Variants in SULT2B1 observed in about 807,000 individuals in gnomAD.
SULT2B1 encodes sulfotransferase family 2B member 1.
A neutral mutation model predicts 33.2 loss-of-function variants in SULT2B1; 16 were observed. The observed-to-expected ratio is 0.48, with a 90% CI of 0.33 to 0.73. SULT2B1 has a LOEUF of 0.73. SULT2B1 is among the 30% of genes least tolerant of loss of function. The probability of loss-of-function intolerance (pLI) is 0.02; values close to 1 mark genes in which losing one functional copy is unlikely to be tolerated. For synonymous variants in SULT2B1, 186 were observed against 200.5 expected (o/e 0.93, Z 0.61); for missense variants, 500 against 506.0 (o/e 0.99, Z 0.11).
intron 1 of SULT2B1, among the ~76,000 whole-genome samples, chr19:48,571,351 C>T (rs1203106416): frequency 2.0e-5 from 3 of 151,674 alleles, no homozygotes; most frequent in African/African-American, 4.8e-5. Flanking sequence ...CGCCCACCAC[C>T]GTGCCCAGCT....
At chr19:48,596,707 T>C (rs1366018948) in intron 5 of SULT2B1, 32 bp from the exon 6 acceptor site, 1 of 1,559,298 alleles carries the variant, frequency 6.4e-7, no homozygotes, top group Non-Finnish European at 8.6e-7. Flanking sequence ...CCGAGTGCCC[T>C]CCCTCCGCTG....
At chr19:48,566,382 G>A in intron 1 of SULT2B1, among the ~76,000 whole-genome samples, 1 of 151,926 alleles carries the variant, frequency 6.6e-6, no homozygotes, top group South Asian at 2.1e-4. Context: ...CCGCACCCAG[G>A]CTAAAGTGTG....
intron 1 of SULT2B1, among the ~76,000 whole-genome samples, chr19:48,565,817 C>T (rs1473674009): frequency 6.6e-6 from 1 of 152,014 alleles, no homozygotes; most frequent in Non-Finnish European, 1.5e-5. Flanking sequence ...AGTGGTACAA[C>T]CACAGTTCAC....
At chr19:48,578,854 C>T (rs938328638) in intron 2 of SULT2B1, among the ~76,000 whole-genome samples, 14 of 151,924 alleles carry the variant, frequency 9.2e-5, no homozygotes, top group East Asian at 5.8e-4. Flanking sequence ...CCAGCCTTGG[C>T]GATAGGGCAA....
At chr19:48,560,379 G>GA (rs1335944179) in intron 1 of SULT2B1, among the ~76,000 whole-genome samples, 1 of 151,926 alleles carries the variant, frequency 6.6e-6, no homozygotes, top group Non-Finnish European at 1.5e-5. Context: ...TTACAGATGG[G>GA]AAAACTGAGG....
At position 48,576,009 on chromosome 19, in the gene SULT2B1, A is replaced by G. The variant is rs749847968; in HGVS notation, c.140A>G (p.Glu47Gly). Reference protein sequence around the residue: ...VPFPVGLYSLESISLAENTQD... With the variant: ...VPFPVGLYSLGSISLAENTQD... ...TTCCCCGTCGGCCTGTACTCGCTCGAGAGCATCAGCTTGGCGGAGAACACC... is the reference window on the plus strand; with the variant it reads ...TTCCCCGTCGGCCTGTACTCGCTCGGGAGCATCAGCTTGGCGGAGAACACC... The change falls in exon 2 of 7, where the codon GAG (glutamate) becomes GGG (glycine). Residue 47 changes from glutamate (E) to glycine (G), a missense_variant. Coordinates refer to ENST00000201586, the MANE Select transcript of SULT2B1 (RefSeq NM_177973.2). 1 of 1,613,974 alleles carries G rather than the reference A, an allele frequency of 6.2e-7. No homozygotes were observed. Among genetic ancestry groups the G allele is most frequent in the Non-Finnish European group, 8.5e-7 (1 of 1,179,960 alleles).
chr19:48,571,299 C>T (rs547441899), intron 1 of SULT2B1, among the ~76,000 whole-genome samples: 8 of 151,006 alleles, frequency 5.3e-5, no homozygotes, highest in African/African-American at 4.9e-5. Context: ...CGGGTTCAAG[C>T]GATTCTCCTG....
chr19:48,566,102 G>A (rs55939133), intron 1 of SULT2B1, among the ~76,000 whole-genome samples: 19,911 of 151,962 alleles, frequency 0.13, 1,427 homozygotes, highest in African/African-American at 0.16. Flanking sequence ...AGTAGAGACG[G>A]GGTTTCACTC....
intron 1 of SULT2B1, among the ~76,000 whole-genome samples, chr19:48,557,060 G>C (rs1052978808): frequency 2.6e-5 from 4 of 151,902 alleles, no homozygotes; most frequent in African/African-American, 9.7e-5. Context: ...GACCAGACTG[G>C]ACAACACAGC....
chr19:48,591,566 T>A (rs772017423), intron 3 of SULT2B1, 43 bp from the exon 4 acceptor site: 1 of 1,583,772 alleles, frequency 6.3e-7, no homozygotes, highest in Admixed American at 1.7e-5. Flanking sequence ...GGGTCTTGCC[T>A]GTGTCTGACG....
intron 2 of SULT2B1, among the ~76,000 whole-genome samples, chr19:48,582,283 G>T (rs570995216): frequency 1.6e-4 from 24 of 152,126 alleles, no homozygotes; most frequent in East Asian, 1.2e-3. Context: ...TAAGTTTCTG[G>T]TTTTTTTAAA....
intron 1 of SULT2B1, among the ~76,000 whole-genome samples, chr19:48,568,895 G>A (rs1468524125): frequency 1.3e-5 from 2 of 151,614 alleles, no homozygotes; most frequent in Non-Finnish European, 2.9e-5. Flanking sequence ...TCACTTCTTT[G>A]CGCTCACTCT....
intron 2 of SULT2B1, among the ~76,000 whole-genome samples, chr19:48,578,177 C>T (rs1973439612): frequency 6.6e-6 from 1 of 151,912 alleles, no homozygotes; most frequent in Non-Finnish European, 1.5e-5. Context: ...CACACCACTG[C>T]ACTTCAGCCT....
rs1003650855 is a variant in SULT2B1, at chr19:48,557,795, T to C, written c.71+5472T>C. Among the ~76,000 whole-genome samples the C allele has an allele frequency of 2.0e-5, 3 of 151,844 alleles. No individual in the cohort carries two copies. The East Asian group carries it at 5.8e-4, about 29-fold the overall frequency. ...TCAGCCGGGCATGGTGGTGCATGCC[T>C]GTAATCCCAGCTACTCGGGAGGTTG... is the stretch of plus-strand genomic sequence containing the variant. On this transcript the variant is annotated intron_variant, in intron 1 of 6. Transcript: ENST00000201586.
Position 48,591,566 on chromosome 19 carries a change from T to C in SULT2B1, c.424-43T>C, listed in dbSNP as rs772017423. 1.5e-5 allele frequency: 24 copies of C among 1,583,772 alleles called. No homozygotes were observed. The South Asian group carries it at 2.7e-4, about 18-fold the overall frequency. ...AGGCCTCAGGGGCTGGGGTCTTGCC[T>C]GTGTCTGACGCCTTCTCCCCTCTCC... On this transcript the variant is annotated intron_variant, in intron 3 of 6. Coordinates refer to ENST00000201586, the MANE Select transcript of SULT2B1 (RefSeq NM_177973.2).
rs67551728 is a variant in SULT2B1 at position 48,587,890 on chromosome 19, C to CAA, written c.423+485_423+486dup. On this transcript the variant is annotated intron_variant, in intron 3 of 6. Transcript: ENST00000201586. The stretch of plus-strand genomic sequence containing the variant: ...CCTAGGCAACAGGGCAAGACTGTCT[C>CAA]AAAAAAAAAAAAAAAAAAAAAAAAA... Among the ~76,000 whole-genome samples the CAA allele has an allele frequency of 3.0e-4, 12 of 39,908 alleles. 1 individual carries two copies. Among genetic ancestry groups the CAA allele is most frequent in the Non-Finnish European group, 3.8e-4 (9 of 23,912 alleles). The allele number at this position is 39,908 out of a possible 152,430, so 26.2% of individuals were successfully genotyped here.
intron 1 of SULT2B1, among the ~76,000 whole-genome samples, chr19:48,573,547 C>T (rs900943526): frequency 3.3e-5 from 5 of 152,132 alleles, no homozygotes; most frequent in African/African-American, 9.6e-5. Context: ...CCTGGCTCTG[C>T]GCTCAGGCCC....
At chr19:48,558,393 G>A (rs56007466) in intron 1 of SULT2B1, among the ~76,000 whole-genome samples, 36,896 of 152,076 alleles carry the variant, frequency 0.24, 4,775 homozygotes, top group East Asian at 0.44. Context: ...GCTGGGCTAC[G>A]GAGAGTGTCA....
chr19:48,570,385 G>A (rs1242210839), intron 1 of SULT2B1, among the ~76,000 whole-genome samples: 2 of 151,640 alleles, frequency 1.3e-5, no homozygotes, highest in East Asian at 3.9e-4. Flanking sequence ...CGCCATGTTG[G>A]CCAGGCTGGT....
Sources: allele counts gnomAD v4.1 joint callset (sites outside exome capture counted in the v4.1 genomes callset), GRCh38; gene constraint gnomAD v4.1.1; transcripts MANE v1.5; gene names NCBI Gene and HGNC (gene_info 2026-07-23, HGNC 2026-07-21).